The following GRID2 variants were observed in gnomAD, a reference collection of about 807,000 sequenced individuals.
GRID2 encodes the protein glutamate receptor ionotropic, delta-2.
GRID2 carries 33 observed loss-of-function variants against 114.8 expected under a neutral mutation model. The observed-to-expected ratio is 0.29, with a 90% confidence interval of 0.22 to 0.38. The LOEUF (loss-of-function observed/expected upper bound fraction) is 0.38, where lower values mean the gene tolerates loss of function less well. Among genes scored for constraint, GRID2 ranks in the 10% least tolerant of loss-of-function variants. GRID2 has a pLI of 1.00. For synonymous variants in GRID2, 505 were observed against 449.9 expected (o/e 1.12, Z -1.55); for missense variants, 1,184 against 1,257.7 (o/e 0.94, Z 0.89).
intron 2 of GRID2, among the ~76,000 whole-genome samples, chr4:92,707,744 C>T (rs1735023054): frequency 6.6e-6 from 1 of 152,244 alleles, no homozygotes; most frequent in South Asian, 2.1e-4. Context: ...AATAAAATAC[C>T]ATTTTAAACA....
At chr4:93,597,653 T>C (rs1403917295) in intron 13 of GRID2, among the ~76,000 whole-genome samples, 1 of 152,166 alleles carries the variant, frequency 6.6e-6, no homozygotes, top group Non-Finnish European at 1.5e-5. Context: ...AATCTCCTTA[T>C]CTCAAAACCC....
rs183694966 is a variant in GRID2 at position 93,649,867 on chromosome 4, G to A, written c.2360+23432G>A. Among the ~76,000 whole-genome samples the A allele has an allele frequency of 4.3e-3, 649 of 152,182 alleles. 2 individuals carry two copies. Among genetic ancestry groups the A allele is most frequent in the Non-Finnish European group, 7.5e-3 (512 of 68,008 alleles). On this transcript the variant is annotated intron_variant, in intron 14 of 15. Coordinates refer to ENST00000282020, the MANE Select transcript of GRID2 (RefSeq NM_001510.4). Reference sequence around the variant, plus strand: ...TAGTCCATCTCCAAAACATTATGATGTTCAGAATGTGACTAGCTACATAGG... The same window carrying A: ...TAGTCCATCTCCAAAACATTATGATATTCAGAATGTGACTAGCTACATAGG...
At chr4:92,967,531 A>G (rs902893857) in intron 2 of GRID2, among the ~76,000 whole-genome samples, 3 of 147,482 alleles carry the variant, frequency 2.0e-5, no homozygotes, top group Non-Finnish European at 4.5e-5. Flanking sequence ...GTAAAGGAAG[A>G]ATCATTAATT....
chr4:93,524,504 G>A (rs528279655), intron 13 of GRID2, among the ~76,000 whole-genome samples: 43 of 151,860 alleles, frequency 2.8e-4, no homozygotes, highest in Middle Eastern at 3.4e-3. Context: ...AGTAGAGTTG[G>A]ATTTTTTTAA....
At chr4:92,449,876 G>A (rs1720814081) in intron 1 of GRID2, among the ~76,000 whole-genome samples, 1 of 151,490 alleles carries the variant, frequency 6.6e-6, no homozygotes, top group African/African-American at 2.4e-5. Flanking sequence ...TTCTGGAAAA[G>A]CACCTTTATC....
intron 8 of GRID2, among the ~76,000 whole-genome samples, chr4:93,285,739 T>C (rs1226099647): frequency 1.3e-5 from 2 of 152,036 alleles, no homozygotes; most frequent in Non-Finnish European, 2.9e-5. Flanking sequence ...TGAATTAAAA[T>C]TCTGTCTTTT....
chr4:93,623,726 T>C (rs1742429091), intron 13 of GRID2, among the ~76,000 whole-genome samples: 1 of 152,220 alleles, frequency 6.6e-6, no homozygotes, highest in South Asian at 2.1e-4. Context: ...ACTGATTTTC[T>C]ATTCTTAAAT....
At chr4:93,638,095 G>A (rs551058872) in intron 14 of GRID2, among the ~76,000 whole-genome samples, 7 of 152,102 alleles carry the variant, frequency 4.6e-5, no homozygotes, top group Admixed American at 3.3e-4. Flanking sequence ...CTTTGTGAAC[G>A]TAGTTCTCTG....
intron 8 of GRID2, among the ~76,000 whole-genome samples, chr4:93,336,068 A>G (rs1333512293): frequency 6.6e-6 from 1 of 152,162 alleles, no homozygotes; most frequent in Non-Finnish European, 1.5e-5. Flanking sequence ...ACACATATCT[A>G]TATATTTGCC....
At chr4:92,964,299 A>G (rs1752999865) in intron 2 of GRID2, among the ~76,000 whole-genome samples, 1 of 152,100 alleles carries the variant, frequency 6.6e-6, no homozygotes, top group African/African-American at 2.4e-5. Flanking sequence ...TCTTCTTCCA[A>G]TATAAGGCTG....
chr4:93,769,097 C>T (rs1341339440), intron 14 of GRID2, 113 bp from the exon 15 acceptor site: 18 of 949,758 alleles, frequency 1.9e-5, no homozygotes, highest in Non-Finnish European at 2.9e-5. Context: ...TCTATATATT[C>T]ATTTCCCTTT....
At chr4:93,022,303 T>A (rs1413150234) in intron 2 of GRID2, among the ~76,000 whole-genome samples, 2 of 151,994 alleles carry the variant, frequency 1.3e-5, no homozygotes, top group African/African-American at 4.8e-5. Context: ...CAGCTCTTTT[T>A]TTTTAGGATA....
Position 93,061,196 on chromosome 4 carries a change from G to GTTTTT in GRID2, c.245-23787_245-23783dup, listed in dbSNP as rs752045329. Reference sequence around the variant, plus strand: ...TTTATATATTCATCAGGTTTTTCTTGTTTTTTTTTTTTTTTTAATGCCTAA... The same window carrying GTTTTT: ...TTTATATATTCATCAGGTTTTTCTTGTTTTTTTTTTTTTTTTTTTTTAATGCCTAA... On this transcript the variant is annotated intron_variant, in intron 2 of 15. Coordinates refer to ENST00000282020, the MANE Select transcript of GRID2 (RefSeq NM_001510.4). 5.2e-3 allele frequency among the ~76,000 whole-genome samples: 584 copies of GTTTTT among 112,708 alleles called. 11 individuals are homozygous for GTTTTT. The highest frequency in any genetic ancestry group is 0.026 in the South Asian group (89 of 3,454). The allele number at this position is 112,708 out of a possible 152,430, so 73.9% of individuals were successfully genotyped here.
At chr4:93,324,594 C>T (rs1166787926) in intron 8 of GRID2, among the ~76,000 whole-genome samples, 1 of 152,004 alleles carries the variant, frequency 6.6e-6, no homozygotes, top group Non-Finnish European at 1.5e-5. Context: ...TTGATTGGAA[C>T]ATTTTCAGAA....
intron 2 of GRID2, among the ~76,000 whole-genome samples, chr4:92,814,616 C>T (rs1740798272): frequency 6.6e-6 from 1 of 152,094 alleles, no homozygotes; most frequent in Admixed American, 6.6e-5. Flanking sequence ...CTAAGGGGTG[C>T]CATCTTCGTA....
intron 1 of GRID2, among the ~76,000 whole-genome samples, chr4:92,317,505 A>G (rs181119676): frequency 8.3e-4 from 127 of 152,306 alleles, no homozygotes; most frequent in African/African-American, 3.0e-3. Context: ...TAAACAGTTA[A>G]TAAATAGCAA....
chr4:93,038,929 A>G (rs2149266142), intron 2 of GRID2, among the ~76,000 whole-genome samples: 1 of 152,250 alleles, frequency 6.6e-6, no homozygotes, highest in Middle Eastern at 3.4e-3. Flanking sequence ...AAGGATCTAG[A>G]ACTAGAAATA....
intron 2 of GRID2, among the ~76,000 whole-genome samples, chr4:92,993,115 C>A (rs529016325): frequency 1.3e-4 from 19 of 151,980 alleles, no homozygotes; most frequent in African/African-American, 4.6e-4. Flanking sequence ...GATGGCCTTG[C>A]GAGACATTTG....
At chr4:92,627,980 T>G (rs1030003330) in intron 2 of GRID2, among the ~76,000 whole-genome samples, 9 of 152,170 alleles carry the variant, frequency 5.9e-5, no homozygotes, top group African/African-American at 2.2e-4. Context: ...TATATAGTAT[T>G]GTATAGTATT....
Sources: allele counts gnomAD v4.1 joint callset (sites outside exome capture counted in the v4.1 genomes callset), GRCh38; gene constraint gnomAD v4.1.1; transcripts MANE v1.5; gene names NCBI Gene and HGNC (gene_info 2026-07-23, HGNC 2026-07-21).